The following QTMAN variants were observed in gnomAD, a reference collection of about 807,000 sequenced individuals.
QTMAN encodes tRNA-queuosine alpha-mannosyltransferase.
chr2:144,028,217 T>C, the QTMAN span, among the ~76,000 whole-genome samples: 80 of 152,252 alleles, frequency 5.3e-4, no homozygotes, highest in African/African-American at 1.8e-3. Flanking sequence ...AAAAAGAACA[T>C]AGACTGTTGA....
chr2:144,139,157 T>C, the QTMAN span, among the ~76,000 whole-genome samples: 1 of 152,014 alleles, frequency 6.6e-6, no homozygotes, highest in Non-Finnish European at 1.5e-5. Flanking sequence ...GGCCAAAGGA[T>C]TGTTTGACTC....
chr2:144,037,590 G>C, the QTMAN span, among the ~76,000 whole-genome samples: 1 of 152,010 alleles, frequency 6.6e-6, no homozygotes, highest in African/African-American at 2.4e-5. Flanking sequence ...ACCTGAGAAC[G>C]CTCTGTTCTA....
At chr2:144,003,280 T>C in the QTMAN span, among the ~76,000 whole-genome samples, 1 of 151,908 alleles carries the variant, frequency 6.6e-6, no homozygotes, top group African/African-American at 2.4e-5. Flanking sequence ...TCTTTCAATA[T>C]AGTCTAAACT....
chr2:144,130,442 A>G, the QTMAN span, among the ~76,000 whole-genome samples: 1 of 152,080 alleles, frequency 6.6e-6, no homozygotes, highest in South Asian at 2.1e-4. Context: ...CACTAAGTTG[A>G]CATAAAGTAA....
At chr2:144,020,845 A>C in the QTMAN span, among the ~76,000 whole-genome samples, 2 of 152,218 alleles carry the variant, frequency 1.3e-5, no homozygotes, top group African/African-American at 4.8e-5. Flanking sequence ...AGAAAAGACA[A>C]ATGCAGTAAG....
At chr2:144,011,664 A>C in the QTMAN span, 2 of 976,482 alleles carry the variant, frequency 2.0e-6, no homozygotes, top group Non-Finnish European at 2.4e-6. Flanking sequence ...AAAGGAAATA[A>C]TACCTTACTG....
At chr2:144,311,990 T>C in the QTMAN span, among the ~76,000 whole-genome samples, 1 of 152,182 alleles carries the variant, frequency 6.6e-6, no homozygotes. Flanking sequence ...TCAAGTGAAC[T>C]GAACTCAATG....
the QTMAN span, among the ~76,000 whole-genome samples, chr2:144,246,010 C>T: frequency 6.6e-6 from 1 of 152,106 alleles, no homozygotes; most frequent in African/African-American, 2.4e-5. Context: ...CCTCAACCAC[C>T]AGGAATGTTA....
At chr2:144,057,514 T>C in the QTMAN span, among the ~76,000 whole-genome samples, 1 of 152,180 alleles carries the variant, frequency 6.6e-6, no homozygotes, top group Non-Finnish European at 1.5e-5. Flanking sequence ...TGACCACTTA[T>C]CTCTCATATG....
chr2:143,953,843 T>A, the QTMAN span, among the ~76,000 whole-genome samples: 1 of 152,050 alleles, frequency 6.6e-6, no homozygotes, highest in Admixed American at 6.6e-5. Flanking sequence ...TACTCTGAAG[T>A]CATGTCAGTG....
chr2:143,942,930 CAA>C, the QTMAN span: 2 of 152,388 alleles, frequency 1.3e-5, no homozygotes, highest in African/African-American at 4.8e-5. Context: ...TATCTCCTAT[CAA>C]AAGATATATG....
the QTMAN span, among the ~76,000 whole-genome samples, chr2:143,973,304 T>A: frequency 6.6e-6 from 1 of 152,064 alleles, no homozygotes; most frequent in African/African-American, 2.4e-5. Context: ...GGACCAAAAC[T>A]CCCTCATGAA....
At chr2:144,318,194 A>AACACACACACAC in the QTMAN span, among the ~76,000 whole-genome samples, 1,176 of 142,016 alleles carry the variant, frequency 8.3e-3, 21 homozygotes, top group African/African-American at 0.029. Context: ...TATTTAAATA[A>AACACACACACAC]ACACACACAC....
At chr2:144,177,368 A>C in the QTMAN span, 1 of 573,144 alleles carries the variant, frequency 1.7e-6, no homozygotes, top group African/African-American at 1.9e-5. Context: ...GTTTGGGGGT[A>C]GTCAATTGGA....
the QTMAN span, among the ~76,000 whole-genome samples, chr2:144,182,883 ATTTT>A: frequency 1.6e-4 from 13 of 80,710 alleles, no homozygotes; most frequent in African/African-American, 5.9e-4. Context: ...TTATATATAT[ATTTT>A]ATATATATAT....
the QTMAN span, among the ~76,000 whole-genome samples, chr2:144,012,974 G>C: frequency 6.6e-6 from 1 of 151,980 alleles, no homozygotes; most frequent in Non-Finnish European, 1.5e-5. Flanking sequence ...TCGGGTTTGG[G>C]GGAGGGAGGA....
chr2:143,938,977 ACT>A, the QTMAN span: 1 of 152,330 alleles, frequency 6.6e-6, no homozygotes, highest in East Asian at 1.9e-4. Flanking sequence ...GGCAGACAAC[ACT>A]CTTTCTCACC....
At chr2:143,982,230 CTT>C in the QTMAN span, among the ~76,000 whole-genome samples, 4 of 150,764 alleles carry the variant, frequency 2.7e-5, no homozygotes, top group Admixed American at 6.6e-5. Flanking sequence ...TTTTTTCTTT[CTT>C]TCTCTTTTTT....
chr2:144,101,599 T>C, the QTMAN span, among the ~76,000 whole-genome samples: 5 of 152,302 alleles, frequency 3.3e-5, no homozygotes, highest in South Asian at 1.0e-3. Flanking sequence ...ATAATGTGAA[T>C]ACAGCTATTC....
Sources: gnomAD v4.1 joint callset for allele counts (sites outside exome capture counted in the v4.1 genomes callset) on GRCh38, gnomAD v4.1.1 for gene constraint, MANE v1.5 for transcripts, NCBI Gene and HGNC (gene_info 2026-07-23, HGNC 2026-07-21) for gene names.